ALG1L2: variants seen among roughly 807,000 people sequenced by gnomAD.
ALG1L2 encodes the protein ALG1 chitobiosyldiphosphodolichol beta-mannosyltransferase like 2.
ALG1L2 carries 32 observed loss-of-function variants against 29.0 expected under a neutral mutation model. The observed-to-expected ratio is 1.10, with a 90% CI of 0.83 to 1.48. The LOEUF is 1.48. Among genes scored for constraint, ALG1L2 ranks in the 40% most tolerant of loss-of-function variants. The probability of loss-of-function intolerance (pLI) is 0.00; values close to 1 mark genes in which losing one functional copy is unlikely to be tolerated. For synonymous variants in ALG1L2, 110 were observed against 109.5 expected (o/e 1.00, Z -0.03); for missense variants, 318 against 274.1 (o/e 1.16, Z -1.13).
At chr3:130,082,885 G>C (rs1284125829) in intron 1 of ALG1L2, among the ~76,000 whole-genome samples, 1 of 143,104 alleles carries the variant, frequency 7.0e-6, no homozygotes, top group Admixed American at 7.2e-5. Context: ...AGCACCAAGA[G>C]GTTGCACTTT....
chr3:130,098,361 A>G lies in ALG1L2; in HGVS notation c.*106A>G. 4 of 1,596,334 alleles carry G rather than the reference A, an allele frequency of 2.5e-6. No individual in the cohort carries two copies. The highest frequency in any genetic ancestry group is 1.7e-5 in the Admixed American group (1 of 60,010). On this transcript the variant is annotated 3_prime_UTR_variant, in exon 8 of 8. Transcript: ENST00000425059. ...CTGTGCTCCCTTTGGTTATGGACAC[A>G]TAACTCCTGGGCCAGAGGCTAAAAC...
intron 1 of ALG1L2, among the ~76,000 whole-genome samples, chr3:130,083,912 G>A (rs1212308366): frequency 6.6e-6 from 1 of 150,954 alleles, no homozygotes; most frequent in Non-Finnish European, 1.5e-5. Context: ...TGGGGTACAG[G>A]AAGATAGAGG....
chr3:130,096,011 G>C (rs767666160), intron 5 of ALG1L2, 38 bp from the exon 6 acceptor site: 4 of 1,578,180 alleles, frequency 2.5e-6, no homozygotes, highest in Non-Finnish European at 3.5e-6. Flanking sequence ...TCCCGGGGCA[G>C]AGACCAGCGC....
At chr3:130,096,663 G>A in intron 6 of ALG1L2, among the ~76,000 whole-genome samples, 1 of 152,266 alleles carries the variant, frequency 6.6e-6, no homozygotes, top group East Asian at 1.9e-4. Flanking sequence ...TGGAAGGGTG[G>A]AGTTAGAGGA....
At chr3:130,082,137 G>A in intron 1 of ALG1L2, 101 bp downstream of exon 1, 1 of 1,370,806 alleles carries the variant, frequency 7.3e-7, no homozygotes, top group East Asian at 2.5e-5. Flanking sequence ...TCAGGGTACA[G>A]GCAGTCCTCC....
At chr3:130,086,681 AG>A (rs201656075) in intron 1 of ALG1L2, among the ~76,000 whole-genome samples, 1,386 of 138,446 alleles carry the variant, frequency 0.01, 16 homozygotes, top group African/African-American at 0.033. Flanking sequence ...TGTCTCTAAA[AG>A]TAAGAGAAGA....
At chr3:130,091,164 T>G in intron 1 of ALG1L2, 97 bp from the exon 2 acceptor site, 1 of 1,115,618 alleles carries the variant, frequency 9.0e-7, no homozygotes, top group African/African-American at 1.5e-5. Flanking sequence ...TTGCTGAGGA[T>G]GGGTGACGTT....
intron 1 of ALG1L2, among the ~76,000 whole-genome samples, chr3:130,087,364 TAAAGAA>T (rs1934913992): frequency 6.8e-6 from 1 of 147,770 alleles, no homozygotes; most frequent in Non-Finnish European, 1.5e-5. Context: ...CCATGAAAGA[TAAAGAA>T]AAACTGAGGA....
chr3:130,092,076 A>C, intron 2 of ALG1L2, 25 bp from the exon 3 acceptor site: 1 of 1,612,210 alleles, frequency 6.2e-7, no homozygotes, highest in Non-Finnish European at 8.5e-7. Flanking sequence ...GTGGCCTCTC[A>C]CAGGGTTTTT....
At chr3:130,082,961 G>A (rs1186834687) in intron 1 of ALG1L2, among the ~76,000 whole-genome samples, 17 of 136,244 alleles carry the variant, frequency 1.2e-4, no homozygotes, top group African/African-American at 4.3e-4. Flanking sequence ...AACAAACAAG[G>A]AACCCTCTCC....
intron 2 of ALG1L2, 85 bp from the exon 3 acceptor site, chr3:130,092,016 C>A: frequency 6.3e-7 from 1 of 1,577,854 alleles, no homozygotes; most frequent in Non-Finnish European, 8.6e-7. Flanking sequence ...TGGGAGCCTG[C>A]AGGCCTCACC....
intron 5 of ALG1L2, among the ~76,000 whole-genome samples, chr3:130,095,600 C>T (rs1935112964): frequency 6.6e-6 from 1 of 150,916 alleles, no homozygotes. Context: ...TGACGCTTCG[C>T]TAATTTTACA....
chr3:130,092,186 C>G lies in ALG1L2; in HGVS notation c.217C>G (p.Arg73Gly), dbSNP rs191831656. Reference sequence around the variant, plus strand: ...CGGGCTGGTGACGCGTCTCCACGAGCGGCCAGCCCTGCTGGTCAGCAGCAC... The same window carrying G: ...CGGGCTGGTGACGCGTCTCCACGAGGGGCCAGCCCTGCTGGTCAGCAGCAC... Reference protein sequence around the residue: ...GSGLVTRLHERPALLVSSTSW... With the variant: ...GSGLVTRLHEGPALLVSSTSW... The change falls in exon 3 of 8, where the codon CGG becomes GGG. Residue 73 changes from arginine (R) to glycine (G), a missense_variant. Arg to Gly is a moderately radical substitution (Grantham distance 125). Coordinates refer to ENST00000425059, the MANE Select transcript of ALG1L2 (RefSeq NM_001136152.1). 5.0e-6 allele frequency: 8 copies of G among 1,612,112 alleles called. No homozygotes were observed. Among genetic ancestry groups the G allele is most frequent in the Non-Finnish European group, 5.9e-6 (7 of 1,179,508 alleles).
chr3:130,094,897 C>G (rs934939827), intron 5 of ALG1L2, among the ~76,000 whole-genome samples: 8 of 152,186 alleles, frequency 5.3e-5, no homozygotes, highest in Non-Finnish European at 1.2e-4. Flanking sequence ...AGATGGTTCT[C>G]CTTTGCCTCC....
At chr3:130,097,146 C>T (rs749455458) in intron 6 of ALG1L2, 29 bp from the exon 7 acceptor site, 1 of 1,611,358 alleles carries the variant, frequency 6.2e-7, no homozygotes. Flanking sequence ...CTCCAGGAAA[C>T]TCTCGGGCTC....
At chr3:130,091,193 A>C in intron 1 of ALG1L2, 68 bp from the exon 2 acceptor site, 1 of 1,464,392 alleles carries the variant, frequency 6.8e-7, no homozygotes, top group East Asian at 2.3e-5. Context: ...AACCCAAATG[A>C]GTGGTTTGAG....
intron 7 of ALG1L2, among the ~76,000 whole-genome samples, chr3:130,097,556 G>C (rs144255883): frequency 6.6e-6 from 1 of 152,240 alleles, no homozygotes; most frequent in African/African-American, 2.4e-5. Context: ...CAGGTAGTGC[G>C]TGGGCTAAGG....
chr3:130,085,385 TG>T (rs1331899904), intron 1 of ALG1L2, among the ~76,000 whole-genome samples: 4 of 71,886 alleles, frequency 5.6e-5, no homozygotes, highest in Non-Finnish European at 1.0e-4. Context: ...CATGAGTCAC[TG>T]TGCCTGGCGT....
intron 5 of ALG1L2, among the ~76,000 whole-genome samples, chr3:130,095,472 G>T (rs1405577731): frequency 6.6e-6 from 1 of 151,670 alleles, no homozygotes; most frequent in African/African-American, 2.4e-5. Flanking sequence ...TTTCGCTCCT[G>T]TAGCACAGGC....
Sources: allele counts gnomAD v4.1 joint callset (sites outside exome capture counted in the v4.1 genomes callset), GRCh38; gene constraint gnomAD v4.1.1; transcripts MANE v1.5; gene names NCBI Gene and HGNC (gene_info 2026-07-23, HGNC 2026-07-21).